The following POMT2 variants were observed in gnomAD, a reference collection of about 807,000 sequenced individuals.
The protein encoded by POMT2 is protein O-mannosyl-transferase 2.
A neutral mutation model predicts 100.0 loss-of-function variants in POMT2; 75 were observed. That is an observed-to-expected ratio of 0.75 (90% CI 0.62 to 0.91). POMT2 has a LOEUF of 0.91. Among genes scored for constraint, POMT2 ranks in the 40% least tolerant of loss-of-function variants. POMT2 has a pLI of 0.00. For synonymous variants in POMT2, 378 were observed against 374.1 expected (o/e 1.01, Z -0.12); for missense variants, 940 against 955.1 (o/e 0.98, Z 0.21).
At chr14:77,309,573 G>A (rs1891363601) in intron 2 of POMT2, among the ~76,000 whole-genome samples, 1 of 152,186 alleles carries the variant, frequency 6.6e-6, no homozygotes, top group Non-Finnish European at 1.5e-5. Flanking sequence ...AATTAGGGGT[G>A]CAGATGGGCC....
rs1455013590 is a variant in POMT2, at chr14:77,279,822, C to T, written c.1891+1G>A. The T allele has an allele frequency of 1.2e-6, 2 of 1,612,752 alleles. No homozygotes were observed. The highest frequency in any genetic ancestry group is 2.7e-5 in the African/African-American group (2 of 74,886). Reference sequence around the variant, plus strand: ...GGGAGGGAGAGCCCAGAGGACCTGACCTGCAACCTCCGCTGGCAGCCGTGC... The same window carrying T: ...GGGAGGGAGAGCCCAGAGGACCTGATCTGCAACCTCCGCTGGCAGCCGTGC... On this transcript the variant is annotated splice_donor_variant, in intron 18 of 20. Transcript: ENST00000261534. LOFTEE classifies it high-confidence loss of function.
At chr14:77,307,562 C>T (rs1566659485) in intron 2 of POMT2, among the ~76,000 whole-genome samples, 1 of 152,318 alleles carries the variant, frequency 6.6e-6, no homozygotes, top group East Asian at 1.9e-4. Context: ...CACCTGGGAT[C>T]TCGCAGGACA....
At position 77,278,467 on chromosome 14, in the gene POMT2, AG is replaced by A; in HGVS notation, c.2073del (p.Leu692TrpfsTer16). 6.6e-7 allele frequency: 1 copy of A among 1,505,790 alleles called. No individual in the cohort carries two copies. Among genetic ancestry groups the A allele is most frequent in the Non-Finnish European group, 9.0e-7 (1 of 1,105,464 alleles). 93.3% of individuals were successfully genotyped at this position (1,505,790 alleles called of 1,614,324 possible). A position where few individuals can be genotyped will look rare whatever the true frequency, so the allele number is the denominator to read the frequency against. ...CCCCTCGCCAGGGGCCATGAGGCCA[AG>A]CCCCAGGCACAGAGCCGCAGGAGGG... ...WDTLLRLCAWGLASWPLARGI... is the reference protein window; with the variant it reads ...WDTLLRLCAWXLASWPLARGI... On this transcript the variant is annotated frameshift_variant, in exon 20 of 21. Transcript: ENST00000261534. LOFTEE classifies it high-confidence loss of function.
intron 8 of POMT2, among the ~76,000 whole-genome samples, chr14:77,297,269 C>T (rs760784122): frequency 1.3e-5 from 2 of 152,184 alleles, no homozygotes; most frequent in Non-Finnish European, 2.9e-5. Context: ...TCCCACTTCT[C>T]GACCGCACAC....
chr14:77,294,637 A>T (rs1890758183), intron 9 of POMT2, among the ~76,000 whole-genome samples: 1 of 152,122 alleles, frequency 6.6e-6, no homozygotes, highest in African/African-American at 2.4e-5. Flanking sequence ...TTAAAATGGG[A>T]TTTTCTCTGC....
intron 1 of POMT2, among the ~76,000 whole-genome samples, chr14:77,313,084 G>C (rs1344159329): frequency 6.6e-6 from 1 of 152,192 alleles, no homozygotes; most frequent in East Asian, 1.9e-4. Context: ...CTTTGGGAAC[G>C]CAGCCAAGTC....
At chr14:77,289,820 A>G (rs1236181005) in intron 10 of POMT2, among the ~76,000 whole-genome samples, 1 of 152,210 alleles carries the variant, frequency 6.6e-6, no homozygotes, top group Admixed American at 6.5e-5. Flanking sequence ...GATGACATGG[A>G]AAAGGAGCTG....
In POMT2 at chr14:77,275,264, A is replaced by G. The variant is rs1215505025; in HGVS notation, c.*2112T>C. 1 of 152,214 alleles carries G rather than the reference A, an allele frequency of 6.6e-6. No homozygotes were observed. Among genetic ancestry groups the G allele is most frequent in the Non-Finnish European group, 1.5e-5 (1 of 68,040 alleles). The allele number at this position is 152,214 out of a possible 1,614,324, so 9.4% of individuals were successfully genotyped here. On this transcript the variant is annotated 3_prime_UTR_variant, in exon 21 of 21. Coordinates refer to ENST00000261534, the MANE Select transcript of POMT2 (RefSeq NM_013382.7). ...CATCTGCCAGTTTGGGCATGGAGGAACAGAAAGTGGGCAGGGAATTCTCCT... is the reference window on the plus strand; with the variant it reads ...CATCTGCCAGTTTGGGCATGGAGGAGCAGAAAGTGGGCAGGGAATTCTCCT...
At chr14:77,299,653 TCAGTCA>T in intron 6 of POMT2, 92 bp from the exon 7 acceptor site, 1 of 956,740 alleles carries the variant, frequency 1.0e-6, no homozygotes, top group Non-Finnish European at 1.7e-6. Context: ...TTTTAATATA[TCAGTCA>T]TAATCATAAA....
intron 10 of POMT2, among the ~76,000 whole-genome samples, chr14:77,289,404 G>C (rs1317959471): frequency 1.9e-5 from 2 of 107,374 alleles, no homozygotes; most frequent in African/African-American, 7.2e-5. Context: ...AAAAAAAGAA[G>C]AAGAAAAACT....
At chr14:77,279,701 T>G in intron 18 of POMT2, 122 bp downstream of exon 18, 2 of 962,686 alleles carry the variant, frequency 2.1e-6, no homozygotes, top group African/African-American at 1.6e-5. Context: ...AAGCAAAGGA[T>G]AAGGGAAGGT....
intron 15 of POMT2, 125 bp from the exon 16 acceptor site, chr14:77,280,588 T>C: frequency 6.5e-7 from 1 of 1,547,728 alleles, no homozygotes; most frequent in Non-Finnish European, 8.7e-7. Flanking sequence ...TTCCCTTCCC[T>C]TGCAGGGAAG....
chr14:77,294,498 A>T (rs982907762), intron 9 of POMT2, among the ~76,000 whole-genome samples: 7 of 151,948 alleles, frequency 4.6e-5, no homozygotes, highest in African/African-American at 1.7e-4. Flanking sequence ...ATTTTTTTGT[A>T]TTTTTAGTAG....
chr14:77,291,406 A>T, intron 9 of POMT2, 26 bp from the exon 10 acceptor site: 1 of 1,419,946 alleles, frequency 7.0e-7, no homozygotes, highest in Non-Finnish European at 9.8e-7. Flanking sequence ...GGGCGGAGGG[A>T]AGAGGAAGCA....
chr14:77,312,366 G>T (rs576700203), intron 1 of POMT2: 2 of 266,440 alleles, frequency 7.5e-6, no homozygotes, highest in South Asian at 7.7e-5. Context: ...AAGGTTTGTA[G>T]TAAGAGTTTT....
intron 1 of POMT2, among the ~76,000 whole-genome samples, chr14:77,314,921 A>G (rs1891574210): frequency 6.6e-6 from 1 of 152,164 alleles, no homozygotes; most frequent in Non-Finnish European, 1.5e-5. Context: ...TGTGGCTCGG[A>G]GCCACTCTCT....
At chr14:77,308,557 T>C (rs375482269) in intron 2 of POMT2, among the ~76,000 whole-genome samples, 3 of 151,948 alleles carry the variant, frequency 2.0e-5, no homozygotes, top group South Asian at 4.2e-4. Flanking sequence ...GGTTTCACCA[T>C]GTTGGCCAGG....
chr14:77,320,813 G>A lies in POMT2; in HGVS notation c.-132C>T, dbSNP rs578086459. On this transcript the variant is annotated 5_prime_UTR_variant, in exon 1 of 21. Coordinates refer to ENST00000261534, the MANE Select transcript of POMT2 (RefSeq NM_013382.7). ...AACGCCCTTCACTGCAGCGGAGCGCGGGGCCCCGGGCTCGGGGCGGGGCGG... is the reference window on the plus strand; with the variant it reads ...AACGCCCTTCACTGCAGCGGAGCGCAGGGCCCCGGGCTCGGGGCGGGGCGG... 7.2e-7 allele frequency: 1 copy of A among 1,387,646 alleles called. No homozygotes were observed. Among genetic ancestry groups the A allele is most frequent in the Non-Finnish European group, 9.3e-7 (1 of 1,078,614 alleles). 86.0% of individuals were successfully genotyped at this position (1,387,646 alleles called of 1,614,324 possible).
chr14:77,289,408 A>G (rs1890560738), intron 10 of POMT2, among the ~76,000 whole-genome samples: 2 of 150,114 alleles, frequency 1.3e-5, no homozygotes, highest in African/African-American at 4.9e-5. Flanking sequence ...AAAGAAGAAG[A>G]AAAACTCCTT....
Sources: gnomAD v4.1 joint callset for allele counts (sites outside exome capture counted in the v4.1 genomes callset) on GRCh38, gnomAD v4.1.1 for gene constraint, MANE v1.5 for transcripts, NCBI Gene and HGNC (gene_info 2026-07-23, HGNC 2026-07-21) for gene names.